The following KIAA0825 variants were observed in gnomAD, a reference collection of about 807,000 sequenced individuals.
KIAA0825 encodes the protein KIAA0825, also known as uncharacterized protein KIAA0825.
A neutral mutation model predicts 147.6 loss-of-function variants in KIAA0825; 119 were observed. That is an observed-to-expected ratio of 0.81 (90% CI 0.69 to 0.94). The LOEUF (loss-of-function observed/expected upper bound fraction) is 0.94. Among genes scored for constraint, KIAA0825 ranks in the 40% least tolerant of loss-of-function variants. The pLI is 0.00. For missense variants in KIAA0825, 1,381 were observed against 1,472.7 expected (o/e 0.94, Z 1.02); for synonymous variants, 470 against 518.1 (o/e 0.91, Z 1.26).
intron 12 of KIAA0825, among the ~76,000 whole-genome samples, chr5:94,460,458 T>A (rs1255369823): frequency 1.3e-5 from 2 of 152,090 alleles, no homozygotes; most frequent in Non-Finnish European, 2.9e-5. Context: ...CACGTTCAGT[T>A]TATCCGTCAG....
At chr5:94,240,403 C>T (rs114628525) in intron 20 of KIAA0825, among the ~76,000 whole-genome samples, 401 of 152,272 alleles carry the variant, frequency 2.6e-3, no homozygotes, top group Non-Finnish European at 4.5e-3. Flanking sequence ...GCTTATAAAA[C>T]ATTTTGTCGG....
intron 1 of KIAA0825, among the ~76,000 whole-genome samples, chr5:94,592,405 C>T (rs1445852231): frequency 6.6e-6 from 1 of 152,102 alleles, no homozygotes; most frequent in African/African-American, 2.4e-5. Context: ...GCAGTGCATG[C>T]TGCTCTCGCT....
chr5:94,349,039 G>T (rs986631053), intron 20 of KIAA0825, among the ~76,000 whole-genome samples: 8 of 151,678 alleles, frequency 5.3e-5, no homozygotes, highest in African/African-American at 1.9e-4. Context: ...CCAACTATCT[G>T]CTGTCTTTAG....
intron 13 of KIAA0825, among the ~76,000 whole-genome samples, chr5:94,451,718 T>A (rs1187226711): frequency 6.6e-6 from 1 of 152,220 alleles, no homozygotes; most frequent in East Asian, 1.9e-4. Flanking sequence ...AGCTTGGAAG[T>A]GGAAGTCTTA....
At chr5:94,559,229 A>G (rs753175500) in intron 2 of KIAA0825, among the ~76,000 whole-genome samples, 5 of 152,234 alleles carry the variant, frequency 3.3e-5, no homozygotes, top group African/African-American at 4.8e-5. Context: ...TAATTTTACA[A>G]GAGTACTTTT....
chr5:94,189,125 T>C (rs1770431530), intron 20 of KIAA0825, among the ~76,000 whole-genome samples: 1 of 152,210 alleles, frequency 6.6e-6, no homozygotes, highest in Non-Finnish European at 1.5e-5. Context: ...AATTGAGTTT[T>C]CCCATTGAGT....
intron 5 of KIAA0825, among the ~76,000 whole-genome samples, chr5:94,491,952 C>T (rs1763785498): frequency 1.3e-5 from 2 of 152,110 alleles, no homozygotes; most frequent in Admixed American, 1.3e-4. Context: ...ATTCAGATAA[C>T]CCACAGATAA....
intron 20 of KIAA0825, among the ~76,000 whole-genome samples, chr5:94,350,269 G>A (rs560332804): frequency 4.1e-4 from 62 of 152,178 alleles, no homozygotes; most frequent in African/African-American, 1.4e-3. Flanking sequence ...AACGAGCAGC[G>A]AGATTGAAAT....
chr5:94,396,627 G>T (rs1231256061), intron 16 of KIAA0825, 118 bp from the exon 17 acceptor site: 1 of 753,312 alleles, frequency 1.3e-6, no homozygotes, highest in Non-Finnish European at 2.0e-6. Context: ...AAGATCAAGT[G>T]CCTGACATAT....
chr5:94,608,661 C>A (rs974434154), intron 1 of KIAA0825, among the ~76,000 whole-genome samples: 6 of 146,832 alleles, frequency 4.1e-5, no homozygotes, highest in African/African-American at 1.3e-4. Flanking sequence ...CTTTGATTAA[C>A]CTTTGTATAC....
At chr5:94,548,389 T>G (rs1433959261) in intron 2 of KIAA0825, among the ~76,000 whole-genome samples, 3 of 151,920 alleles carry the variant, frequency 2.0e-5, no homozygotes, top group African/African-American at 7.3e-5. Flanking sequence ...CACAGTAACC[T>G]CAAATCTAAA....
At chr5:94,448,945 G>A (rs561218323) in intron 13 of KIAA0825, among the ~76,000 whole-genome samples, 1 of 152,244 alleles carries the variant, frequency 6.6e-6, no homozygotes. Flanking sequence ...TGAGCACACT[G>A]TATTATAAAT....
intron 5 of KIAA0825, among the ~76,000 whole-genome samples, chr5:94,514,023 T>G (rs907213911): frequency 1.3e-5 from 2 of 152,166 alleles, no homozygotes; most frequent in East Asian, 3.9e-4. Context: ...GAACTGGAAT[T>G]GCTGCATTGT....
intron 15 of KIAA0825, among the ~76,000 whole-genome samples, chr5:94,407,643 A>G (rs1361829522): frequency 6.6e-6 from 1 of 152,184 alleles, no homozygotes; most frequent in East Asian, 1.9e-4. Flanking sequence ...GAAAAGGCAA[A>G]ATATAGAGAC....
chr5:94,560,850 C>G (rs1022303479), intron 2 of KIAA0825, among the ~76,000 whole-genome samples: 1 of 152,232 alleles, frequency 6.6e-6, no homozygotes, highest in Admixed American at 6.5e-5. Context: ...TGTACGCACA[C>G]AGCACACACA....
intron 5 of KIAA0825, among the ~76,000 whole-genome samples, chr5:94,489,841 A>C (rs1461128966): frequency 6.7e-6 from 1 of 149,946 alleles, no homozygotes; most frequent in Non-Finnish European, 1.5e-5. Flanking sequence ...AGCCGAGATC[A>C]TGCCATTGCA....
intron 2 of KIAA0825, among the ~76,000 whole-genome samples, chr5:94,574,566 G>GA (rs1044925256): frequency 2.0e-5 from 2 of 100,872 alleles, no homozygotes. Context: ...AAAAAAAAAA[G>GA]AAAAAAAAAG....
intron 20 of KIAA0825, among the ~76,000 whole-genome samples, chr5:94,253,717 G>T (rs763004296): frequency 1.1e-4 from 17 of 152,120 alleles, no homozygotes; most frequent in Non-Finnish European, 2.1e-4. Context: ...GAAATAGCAT[G>T]TACATTAACC....
At chr5:94,440,707 G>T (rs1756965443) in intron 13 of KIAA0825, among the ~76,000 whole-genome samples, 1 of 151,992 alleles carries the variant, frequency 6.6e-6, no homozygotes, top group Non-Finnish European at 1.5e-5. Flanking sequence ...CAAAGGGAAA[G>T]AATTCCGAGG....
Sources: allele counts gnomAD v4.1 joint callset (sites outside exome capture counted in the v4.1 genomes callset), GRCh38; gene constraint gnomAD v4.1.1; transcripts MANE v1.5; gene names NCBI Gene and HGNC (gene_info 2026-07-23, HGNC 2026-07-21).